RCOR1: variants seen among roughly 807,000 people sequenced by gnomAD.
RCOR1 encodes REST corepressor 1, also known as REST corepressor.
RCOR1 carries 12 observed loss-of-function variants against 64.0 expected under a neutral mutation model. The ratio of observed to expected loss-of-function variants is 0.19; its 90% CI spans 0.12 to 0.30. The LOEUF (loss-of-function observed/expected upper bound fraction) is 0.30, where lower values mean the gene tolerates loss of function less well. Among genes scored for constraint, RCOR1 ranks in the 10% least tolerant of loss-of-function variants. RCOR1 has a pLI of 1.00. For synonymous variants in RCOR1, 279 were observed against 227.2 expected, an observed-to-expected ratio of 1.23 and a Z score of -2.05; for missense variants, 502 against 621.2, an observed-to-expected ratio of 0.81 and a Z score of 2.04.
rs1403462378 is a variant in RCOR1 at position 102,729,275 on chromosome 14, GT to G, written c.*2771del. ...TTAATTTTATGTAGATGTGTGAAGT[GT>G]TAGGTAAAATTTTTTTCACTTATCC... is the stretch of plus-strand genomic sequence containing the variant. On this transcript the variant is annotated 3_prime_UTR_variant, in exon 12 of 12. Transcript: ENST00000262241. 6.5e-6 allele frequency: 1 copy of G among 152,672 alleles called. No individual in the cohort carries two copies. Among genetic ancestry groups the G allele is most frequent in the Non-Finnish European group, 1.5e-5 (1 of 68,054 alleles). 9.5% of individuals were successfully genotyped at this position (152,672 alleles called of 1,614,324 possible).
intron 8 of RCOR1, among the ~76,000 whole-genome samples, chr14:102,715,161 C>T (rs1273810342): frequency 6.6e-6 from 1 of 151,346 alleles, no homozygotes; most frequent in Non-Finnish European, 1.5e-5. Context: ...CTCTGCCTCC[C>T]CAGTTCATGC....
intron 2 of RCOR1, among the ~76,000 whole-genome samples, chr14:102,615,175 A>G (rs1358567126): frequency 1.0e-5 from 1 of 99,886 alleles, no homozygotes; most frequent in African/African-American, 3.9e-5. Context: ...ATTCTCACCC[A>G]GCCTGGAGTG....
At chr14:102,680,044 ATTTC>A (rs1895272044) in intron 2 of RCOR1, among the ~76,000 whole-genome samples, 1 of 152,042 alleles carries the variant, frequency 6.6e-6, no homozygotes, top group Non-Finnish European at 1.5e-5. Flanking sequence ...TCTATGATCT[ATTTC>A]TTCATCTTCT....
intron 2 of RCOR1, among the ~76,000 whole-genome samples, chr14:102,608,733 A>AT (rs141544028): frequency 0.026 from 3,822 of 145,812 alleles, 151 homozygotes; most frequent in African/African-American, 0.092. Flanking sequence ...TAATTTTAAA[A>AT]TTTTTTTTTT....
chr14:102,635,430 G>C (rs928857970), intron 2 of RCOR1, among the ~76,000 whole-genome samples: 3 of 152,140 alleles, frequency 2.0e-5, no homozygotes, highest in African/African-American at 7.2e-5. Context: ...CTTGAACCCA[G>C]GAGGCGGAGG....
At chr14:102,711,513 G>A (rs1240471970) in intron 7 of RCOR1, among the ~76,000 whole-genome samples, 1 of 152,092 alleles carries the variant, frequency 6.6e-6, no homozygotes, top group African/African-American at 2.4e-5. Context: ...CATGGTGACT[G>A]TTTCATCTTA....
chr14:102,724,701 T>G (rs1896228256), intron 11 of RCOR1, among the ~76,000 whole-genome samples: 1 of 152,212 alleles, frequency 6.6e-6, no homozygotes, highest in Non-Finnish European at 1.5e-5. Flanking sequence ...TAGTTTTATG[T>G]TCTCCATATG....
chr14:102,595,991 T>C lies in RCOR1; in HGVS notation c.361+2666T>C, dbSNP rs140318277. ...GCAGGGGGACACAGTTTTCTAGATA[T>C]GGCAGAAAATTGAGACTTTACTATT... On this transcript the variant is annotated intron_variant, in intron 2 of 11. Coordinates refer to ENST00000262241, the MANE Select transcript of RCOR1 (RefSeq NM_015156.4). Among the ~76,000 whole-genome samples, 56 of 152,328 alleles carry C rather than the reference T, an allele frequency of 3.7e-4. 1 individual carries two copies. Among genetic ancestry groups the C allele is most frequent in the African/African-American group, 1.2e-3 (51 of 41,580 alleles).
At chr14:102,626,796 C>T (rs1893991403) in intron 2 of RCOR1, among the ~76,000 whole-genome samples, 1 of 152,156 alleles carries the variant, frequency 6.6e-6, no homozygotes, top group Admixed American at 6.5e-5. Flanking sequence ...TGCTGCTGAG[C>T]CTGCTTCAGC....
At chr14:102,720,667 A>G (rs1896154439) in intron 8 of RCOR1, among the ~76,000 whole-genome samples, 1 of 152,154 alleles carries the variant, frequency 6.6e-6, no homozygotes, top group African/African-American at 2.4e-5. Flanking sequence ...CCTATGTGGT[A>G]GTAAGCCCAG....
chr14:102,616,190 A>G (rs1309544103), intron 2 of RCOR1, among the ~76,000 whole-genome samples: 4 of 151,264 alleles, frequency 2.6e-5, no homozygotes, highest in Admixed American at 2.6e-4. Flanking sequence ...ATTTATTACA[A>G]AAGATACATG....
chr14:102,697,856 G>A (rs1895678673), intron 3 of RCOR1, among the ~76,000 whole-genome samples: 1 of 151,956 alleles, frequency 6.6e-6, no homozygotes, highest in Non-Finnish European at 1.5e-5. Flanking sequence ...AAGTAGCTGG[G>A]ATTACAGACA....
intron 2 of RCOR1, among the ~76,000 whole-genome samples, chr14:102,653,919 CCTTCTTTCTTTCTTTCTTT>C (rs1894646709): frequency 7.2e-6 from 1 of 139,040 alleles, no homozygotes; most frequent in African/African-American, 2.7e-5. Context: ...TCAGGTATTT[CCTTCTTTCTTTCTTTCTTT>C]CTTTCTTTCT....
intron 2 of RCOR1, among the ~76,000 whole-genome samples, chr14:102,673,258 T>G (rs1381911797): frequency 6.6e-6 from 1 of 152,166 alleles, no homozygotes; most frequent in Non-Finnish European, 1.5e-5. Context: ...TCAAACTGGT[T>G]GATAGCTGTA....
chr14:102,700,011 T>A (rs1400386422), intron 3 of RCOR1, among the ~76,000 whole-genome samples: 1 of 152,174 alleles, frequency 6.6e-6, no homozygotes, highest in East Asian at 1.9e-4. Context: ...GAGTAGTACA[T>A]ATTTGAAAGC....
intron 2 of RCOR1, among the ~76,000 whole-genome samples, chr14:102,602,100 A>G (rs1285159207): frequency 6.6e-6 from 1 of 151,900 alleles, no homozygotes; most frequent in South Asian, 2.1e-4. Flanking sequence ...CGGAGATTGC[A>G]GTGAGCCGAG....
intron 2 of RCOR1, among the ~76,000 whole-genome samples, chr14:102,621,389 T>TG (rs895705259): frequency 6.8e-5 from 10 of 147,540 alleles, no homozygotes; most frequent in African/African-American, 2.5e-4. Flanking sequence ...TTTTTTTTTT[T>TG]TTTTGAGAAA....
chr14:102,700,832 G>A (rs541664619), intron 3 of RCOR1, among the ~76,000 whole-genome samples: 20 of 152,270 alleles, frequency 1.3e-4, no homozygotes, highest in African/African-American at 4.1e-4. Context: ...GTATTAGTCC[G>A]TTTTTATGCT....
intron 2 of RCOR1, among the ~76,000 whole-genome samples, chr14:102,600,841 A>G (rs1893379582): frequency 6.8e-6 from 1 of 146,740 alleles, no homozygotes; most frequent in Non-Finnish European, 1.5e-5. Flanking sequence ...AAGTGCTGGG[A>G]TTACAGGCGT....
Sources: allele counts gnomAD v4.1 joint callset (sites outside exome capture counted in the v4.1 genomes callset), GRCh38; gene constraint gnomAD v4.1.1; transcripts MANE v1.5; gene names NCBI Gene and HGNC (gene_info 2026-07-23, HGNC 2026-07-21).